The following EFCAB13 variants were observed in gnomAD, a reference collection of about 807,000 sequenced individuals.
EFCAB13 encodes the protein EF-hand calcium-binding domain-containing protein 13.
A neutral mutation model predicts 110.2 loss-of-function variants in EFCAB13; 91 were observed. The ratio of observed to expected loss-of-function variants is 0.83; its 90% CI spans 0.70 to 0.98. EFCAB13 has a LOEUF of 0.98. Among genes scored for constraint, EFCAB13 ranks in the 50% least tolerant of loss-of-function variants. The pLI is 0.00. For missense variants in EFCAB13, 968 were observed against 1,119.4 expected, an observed-to-expected ratio of 0.86 and a Z score of 1.93; for synonymous variants, 323 against 369.9, an observed-to-expected ratio of 0.87 and a Z score of 1.45.
chr17:47,412,958 T>C lies in EFCAB13; in HGVS notation c.2422+42T>C. The C allele has an allele frequency of 2.5e-6, 4 of 1,585,564 alleles. No individual in the cohort carries two copies. The South Asian group carries it at 4.6e-5, about 18-fold the overall frequency. Reference sequence around the variant, plus strand: ...CCTGAGATTCTTTTCATTTTTTTTCTACTTATGAAAAATAGTCTTAGAGTG... The same window carrying C: ...CCTGAGATTCTTTTCATTTTTTTTCCACTTATGAAAAATAGTCTTAGAGTG... On this transcript the variant is annotated intron_variant, in intron 22 of 24. Coordinates refer to ENST00000331493, the MANE Select transcript of EFCAB13 (RefSeq NM_152347.5).
At position 47,436,482 on chromosome 17, in the gene EFCAB13, T is replaced by C. The variant is rs1368828016; in HGVS notation, c.2639-3949T>C. 5.4e-4 allele frequency among the ~76,000 whole-genome samples: 82 copies of C among 152,158 alleles called. 1 individual carries two copies. Among genetic ancestry groups the C allele is most frequent in the Admixed American group, 5.4e-3 (82 of 15,272 alleles). ...TGGTCTGTTCAGGATACCTAATTCC[T>C]CCTGATTTAAGCTAGGAGAGTTGTA... On this transcript the variant is annotated intron_variant, in intron 24 of 24. Coordinates refer to ENST00000331493, the MANE Select transcript of EFCAB13 (RefSeq NM_152347.5).
intron 23 of EFCAB13, among the ~76,000 whole-genome samples, chr17:47,418,205 G>A (rs925440902): frequency 1.3e-5 from 2 of 152,164 alleles, no homozygotes; most frequent in Non-Finnish European, 2.9e-5. Context: ...ATGGATAAGG[G>A]CAGTCCTGAT....
At position 47,398,348 on chromosome 17, in the gene EFCAB13, C is replaced by T. The variant is rs1378740300; in HGVS notation, c.1945+2371C>T. Among the ~76,000 whole-genome samples the T allele has an allele frequency of 9.9e-5, 15 of 150,934 alleles. No individual in the cohort carries two copies. In the South Asian group the frequency reaches 1.5e-3, roughly 15 times the overall value. On this transcript the variant is annotated intron_variant, in intron 17 of 24. Transcript: ENST00000331493. ...GAGCCCCTCTGCCCGGCCACCACCC[C>T]GTCTGGGAGGTGTACCCAACAGCTC...
At chr17:47,377,421 C>T (rs960534316) in intron 12 of EFCAB13, among the ~76,000 whole-genome samples, 3 of 152,098 alleles carry the variant, frequency 2.0e-5, no homozygotes, top group Non-Finnish European at 4.4e-5. Context: ...CTTGGCTTCC[C>T]GAAGTGCCGT....
At chr17:47,397,437 G>A (rs1191883075) in intron 17 of EFCAB13, among the ~76,000 whole-genome samples, 13 of 148,970 alleles carry the variant, frequency 8.7e-5, no homozygotes, top group South Asian at 4.3e-4. Flanking sequence ...CCGCCACCCC[G>A]TCTGGGAAGT....
At chr17:47,350,030 T>A in intron 9 of EFCAB13, among the ~76,000 whole-genome samples, 1 of 152,058 alleles carries the variant, frequency 6.6e-6, no homozygotes, top group Non-Finnish European at 1.5e-5. Context: ...CGCCTCGGCC[T>A]CCCAAAGTGC....
At chr17:47,328,451 A>C in intron 4 of EFCAB13, 68 bp downstream of exon 4, 1 of 1,271,622 alleles carries the variant, frequency 7.9e-7, no homozygotes, top group South Asian at 1.4e-5. Flanking sequence ...ACATTACCTC[A>C]TATTCATAAT....
chr17:47,358,754 C>T (rs2065494316), intron 9 of EFCAB13, among the ~76,000 whole-genome samples: 1 of 152,132 alleles, frequency 6.6e-6, no homozygotes, highest in African/African-American at 2.4e-5. Context: ...TACACACATA[C>T]ATTTTCATCA....
intron 24 of EFCAB13, among the ~76,000 whole-genome samples, 168 bp from the exon 25 acceptor site, chr17:47,440,263 A>G (rs1905293578): frequency 6.6e-6 from 1 of 152,180 alleles, no homozygotes; most frequent in Admixed American, 6.6e-5. Flanking sequence ...AAATAAAATG[A>G]GCAGAAATTG....
At chr17:47,342,538 G>C (rs1047048824) in intron 6 of EFCAB13, among the ~76,000 whole-genome samples, 13 of 152,200 alleles carry the variant, frequency 8.5e-5, no homozygotes, top group Non-Finnish European at 1.5e-4. Context: ...ACAGGTTTCA[G>C]ATATTAGAAC....
intron 11 of EFCAB13, 145 bp from the exon 12 acceptor site, chr17:47,374,327 A>G: frequency 1.7e-6 from 1 of 589,462 alleles, no homozygotes; most frequent in Middle Eastern, 5.0e-4. Flanking sequence ...TTTGACTGTC[A>G]GTTCTTTAAT....
chr17:47,363,645 A>G (rs978478825), intron 10 of EFCAB13, among the ~76,000 whole-genome samples: 2 of 152,210 alleles, frequency 1.3e-5, no homozygotes, highest in Non-Finnish European at 2.9e-5. Flanking sequence ...AAGGATCAGT[A>G]TGAATTAAGT....
At chr17:47,370,738 G>GTTTTTTTTTTTTTTTT (rs764924546) in intron 11 of EFCAB13, among the ~76,000 whole-genome samples, 2 of 127,198 alleles carry the variant, frequency 1.6e-5, no homozygotes, top group Non-Finnish European at 3.3e-5. Flanking sequence ...GTTGTTGTTT[G>GTTTTTTTTTTTTTTTT]TTTTTTTTTT....
At chr17:47,422,602 A>T (rs1904761073) in intron 23 of EFCAB13, among the ~76,000 whole-genome samples, 1 of 152,278 alleles carries the variant, frequency 6.6e-6, no homozygotes, top group African/African-American at 2.4e-5. Context: ...GTATTTCTGT[A>T]TTTTGCCACA....
chr17:47,405,367 G>A (rs1359159116), intron 20 of EFCAB13, among the ~76,000 whole-genome samples: 1 of 152,110 alleles, frequency 6.6e-6, no homozygotes, highest in East Asian at 1.9e-4. Flanking sequence ...GATGTAAAAT[G>A]TTAACAAGCT....
intron 9 of EFCAB13, among the ~76,000 whole-genome samples, chr17:47,352,488 AC>A (rs2065459055): frequency 1.3e-5 from 2 of 152,192 alleles, no homozygotes; most frequent in South Asian, 4.1e-4. Context: ...TGTTTTGGTT[AC>A]TATTATAGTA....
chr17:47,397,781 G>GC (rs1396063901), intron 17 of EFCAB13, among the ~76,000 whole-genome samples: 15 of 149,940 alleles, frequency 1.0e-4, no homozygotes, highest in African/African-American at 3.0e-4. Flanking sequence ...CCTGGCAACC[G>GC]CCCGTCTGAG....
In EFCAB13 at chr17:47,412,755, G is replaced by A. The variant is rs780459410; in HGVS notation, c.2279-18G>A. On this transcript the variant is annotated intron_variant, in intron 21 of 24. Transcript: ENST00000331493. ...TGTTTTTTACACCATAATAGCTTGT[G>A]TACATTTATCTTTGTAGAGATTAAA... 2 of 1,604,762 alleles carry A rather than the reference G, an allele frequency of 1.2e-6. No individual in the cohort carries two copies. The highest frequency in any genetic ancestry group is 1.7e-6 in the Non-Finnish European group (2 of 1,175,172).
At chr17:47,379,712 G>C (rs571939613) in intron 14 of EFCAB13, among the ~76,000 whole-genome samples, 96 of 152,038 alleles carry the variant, frequency 6.3e-4, no homozygotes, top group South Asian at 1.5e-3. Flanking sequence ...TTGAGTTGTA[G>C]AACTATTACC....
Sources: allele counts gnomAD v4.1 joint callset (sites outside exome capture counted in the v4.1 genomes callset), GRCh38; gene constraint gnomAD v4.1.1; transcripts MANE v1.5; gene names NCBI Gene and HGNC (gene_info 2026-07-23, HGNC 2026-07-21).